Variants in WWC2 observed in about 807,000 individuals in gnomAD.
WWC2 encodes protein WWC2.
In WWC2, 101 loss-of-function variants were observed where a neutral mutation model predicts 138.5. That is an observed-to-expected ratio of 0.73 (90% CI 0.62 to 0.86). WWC2 has a LOEUF of 0.86. Ranked by LOEUF, WWC2 falls within the 40% of genes least tolerant of loss-of-function variation. The probability of loss-of-function intolerance (pLI) is 0.00; values close to 1 mark genes in which losing one functional copy is unlikely to be tolerated. For synonymous variants in WWC2, 558 were observed against 538.4 expected (o/e 1.04, Z -0.50); for missense variants, 1,420 against 1,419.4 (o/e 1.00, Z -0.01).
intron 4 of WWC2, among the ~76,000 whole-genome samples, chr4:183,209,374 C>T (rs1244936970): frequency 4.6e-5 from 7 of 152,114 alleles, no homozygotes; most frequent in Non-Finnish European, 8.8e-5. Flanking sequence ...ATTACAGGCG[C>T]GTGCCACTAT....
chr4:183,156,919 C>T (rs565873835), intron 1 of WWC2, among the ~76,000 whole-genome samples: 37 of 152,176 alleles, frequency 2.4e-4, no homozygotes, highest in Non-Finnish European at 4.1e-4. Context: ...TATACACACA[C>T]ATACATCTCT....
intron 1 of WWC2, among the ~76,000 whole-genome samples, chr4:183,144,368 A>C (rs1733389287): frequency 6.6e-6 from 1 of 152,108 alleles, no homozygotes; most frequent in Admixed American, 6.6e-5. Context: ...AATAAATAAT[A>C]ATTGCTCACT....
chr4:183,267,591 G>A (rs1737546297), intron 14 of WWC2, among the ~76,000 whole-genome samples: 1 of 152,066 alleles, frequency 6.6e-6, no homozygotes, highest in African/African-American at 2.4e-5. Flanking sequence ...TCACTGTAAG[G>A]GTGCACCTGC....
intron 4 of WWC2, among the ~76,000 whole-genome samples, chr4:183,212,230 T>G (rs1580062492): frequency 6.6e-6 from 1 of 152,148 alleles, no homozygotes. Context: ...AGAAAAAGAG[T>G]ATGAAAAAGG....
intron 21 of WWC2, among the ~76,000 whole-genome samples, chr4:183,296,179 C>T (rs1358965643): frequency 6.6e-6 from 1 of 152,224 alleles, no homozygotes; most frequent in African/African-American, 2.4e-5. Context: ...AATGTCACCA[C>T]AACCCAACAT....
chr4:183,157,136 A>G (rs951732653), intron 1 of WWC2, among the ~76,000 whole-genome samples: 5 of 152,230 alleles, frequency 3.3e-5, no homozygotes, highest in Admixed American at 3.3e-4. Flanking sequence ...CACCTGTTTT[A>G]TGTAGTTGTG....
At chr4:183,155,180 A>G (rs1185472683) in intron 1 of WWC2, among the ~76,000 whole-genome samples, 1 of 135,706 alleles carries the variant, frequency 7.4e-6, no homozygotes, top group Non-Finnish European at 1.5e-5. Flanking sequence ...TAATGACTTC[A>G]TCTTCTGAGG....
intron 1 of WWC2, among the ~76,000 whole-genome samples, chr4:183,175,739 GATAA>G (rs1430175549): frequency 3.3e-5 from 5 of 152,146 alleles, no homozygotes; most frequent in Non-Finnish European, 5.9e-5. Flanking sequence ...TATAGAAAAA[GATAA>G]ATAAAGATGA....
At chr4:183,246,466 G>A (rs1312283137) in intron 6 of WWC2, among the ~76,000 whole-genome samples, 1 of 151,850 alleles carries the variant, frequency 6.6e-6, no homozygotes, top group African/African-American at 2.4e-5. Context: ...AAATATTCTT[G>A]GATCCATATA....
chr4:183,185,827 G>C (rs1386181512), intron 1 of WWC2, among the ~76,000 whole-genome samples: 1 of 152,000 alleles, frequency 6.6e-6, no homozygotes, highest in Non-Finnish European at 1.5e-5. Flanking sequence ...CTACTTTGCA[G>C]AGTTTTATGT....
rs1052175246 is a variant in WWC2, at chr4:183,267,806, A to G, written c.2208-1165A>G. 3.7e-4 allele frequency among the ~76,000 whole-genome samples: 57 copies of G among 152,192 alleles called. 1 individual carries two copies. The highest frequency in any genetic ancestry group is 1.3e-3 in the African/African-American group (53 of 41,444). ...GAGTTGGTGCGAACCTTCCTGACAT[A>G]TATAGCAATCTTTCCTTAAACCCAC... On this transcript the variant is annotated intron_variant, in intron 14 of 22. Transcript: ENST00000403733.
At chr4:183,285,768 A>T (rs77949848) in intron 19 of WWC2, among the ~76,000 whole-genome samples, 199 bp from the exon 20 acceptor site, 3,229 of 152,224 alleles carry the variant, frequency 0.021, 117 homozygotes, top group African/African-American at 0.074. Context: ...TCAAAAAAAA[A>T]ATACATAAAT....
At chr4:183,113,509 T>TGCGCGCGCGCGC (rs1478298386) in intron 1 of WWC2, among the ~76,000 whole-genome samples, 1 of 139,664 alleles carries the variant, frequency 7.2e-6, no homozygotes, top group Non-Finnish European at 1.5e-5. Context: ...TGTGTGTGTG[T>TGCGCGCGCGCGC]GTGTGTGCGC....
chr4:183,283,938 C>T (rs1738162058), intron 18 of WWC2, among the ~76,000 whole-genome samples: 2 of 152,210 alleles, frequency 1.3e-5, no homozygotes, highest in Admixed American at 6.5e-5. Flanking sequence ...CCTTTGGAGG[C>T]AGCACCTCTA....
intron 4 of WWC2, among the ~76,000 whole-genome samples, chr4:183,229,022 C>T (rs1222202031): frequency 6.6e-6 from 1 of 151,980 alleles, no homozygotes; most frequent in African/African-American, 2.4e-5. Context: ...ATTTACAGGC[C>T]TAAACGTTGA....
chr4:183,149,070 T>C (rs1346512750), intron 1 of WWC2, among the ~76,000 whole-genome samples: 1 of 152,144 alleles, frequency 6.6e-6, no homozygotes, highest in Non-Finnish European at 1.5e-5. Context: ...AAGTCTTTTT[T>C]TTATTGTAAA....
chr4:183,153,154 G>A (rs927775706), intron 1 of WWC2, among the ~76,000 whole-genome samples: 2 of 152,122 alleles, frequency 1.3e-5, no homozygotes, highest in Admixed American at 6.5e-5. Flanking sequence ...ATCCTCCTGC[G>A]TTGGCCTTCT....
At chr4:183,269,374 G>A (rs754623866) in intron 15 of WWC2, 3 of 713,646 alleles carry the variant, frequency 4.2e-6, no homozygotes, top group Admixed American at 2.0e-5. Flanking sequence ...TATAAATTGT[G>A]ATTTTCTGTA....
chr4:183,215,444 G>A (rs776302876), intron 4 of WWC2, among the ~76,000 whole-genome samples: 3 of 149,836 alleles, frequency 2.0e-5, no homozygotes, highest in South Asian at 2.1e-4. Flanking sequence ...ACTTACATTC[G>A]CAAGAAAAAA....
Sources: gnomAD v4.1 joint callset for allele counts (sites outside exome capture counted in the v4.1 genomes callset) on GRCh38, gnomAD v4.1.1 for gene constraint, MANE v1.5 for transcripts, NCBI Gene and HGNC (gene_info 2026-07-23, HGNC 2026-07-21) for gene names.